KATNAL1: variants seen among roughly 807,000 people sequenced by gnomAD.
The protein encoded by KATNAL1 is katanin catalytic subunit A1 like 1, also known as katanin p60 ATPase-containing subunit A-like 1.
A neutral mutation model predicts 55.2 loss-of-function variants in KATNAL1; 32 were observed. The observed-to-expected ratio is 0.58, with a 90% CI of 0.44 to 0.78. The LOEUF is 0.78. Among genes scored for constraint, KATNAL1 ranks in the 30% least tolerant of loss-of-function variants. The probability of loss-of-function intolerance (pLI) is 0.00; values close to 1 mark genes in which losing one functional copy is unlikely to be tolerated. For synonymous variants in KATNAL1, 193 were observed against 193.6 expected (o/e 1.00, Z 0.02); for missense variants, 466 against 600.9 (o/e 0.78, Z 2.35).
At chr13:30,264,964 G>A (rs1380341478) in intron 3 of KATNAL1, among the ~76,000 whole-genome samples, 2 of 146,924 alleles carry the variant, frequency 1.4e-5, no homozygotes, top group African/African-American at 2.5e-5. Context: ...CAAAGACTTG[G>A]AACCAACCCA....
intron 10 of KATNAL1, 31 bp downstream of exon 10, chr13:30,210,285 T>C (rs1164434411): frequency 6.4e-7 from 1 of 1,561,594 alleles, no homozygotes; most frequent in African/African-American, 1.4e-5. Context: ...CTATAACTAA[T>C]GTCTAAAATC....
chr13:30,247,604 T>C (rs1877914756), intron 4 of KATNAL1, among the ~76,000 whole-genome samples: 1 of 152,048 alleles, frequency 6.6e-6, no homozygotes, highest in African/African-American at 2.4e-5. Context: ...TTTGCCACAG[T>C]CAGCATATAC....
chr13:30,282,313 T>G (rs1881418773), intron 2 of KATNAL1, among the ~76,000 whole-genome samples: 1 of 152,012 alleles, frequency 6.6e-6, no homozygotes, highest in South Asian at 2.1e-4. Context: ...AAACAACATG[T>G]AAATATGAAA....
chr13:30,277,584 A>T (rs1880936259), intron 3 of KATNAL1, among the ~76,000 whole-genome samples: 1 of 152,228 alleles, frequency 6.6e-6, no homozygotes, highest in Non-Finnish European at 1.5e-5. Context: ...AACAAGAAAA[A>T]TATTATTATA....
intron 3 of KATNAL1, among the ~76,000 whole-genome samples, chr13:30,259,843 G>C (rs1281740177): frequency 6.6e-6 from 1 of 152,196 alleles, no homozygotes; most frequent in Admixed American, 6.5e-5. Context: ...CAAAGCAGCC[G>C]GGAAGCTCGA....
chr13:30,283,511 C>A (rs899220874), intron 2 of KATNAL1, 105 bp downstream of exon 2: 13 of 878,974 alleles, frequency 1.5e-5, no homozygotes, highest in Non-Finnish European at 2.2e-5. Flanking sequence ...GATAAATAGG[C>A]ACTATTTCCA....
Position 30,202,640 on chromosome 13 carries a change from C to T in KATNAL1, c.*5900G>A, listed in dbSNP as rs1394285617. ...CCACAAAGAAAGCGATGACAACCAA[C>T]ACTCTATAAATTTATTACCAAATAT... On this transcript the variant is annotated 3_prime_UTR_variant, in exon 11 of 11. Coordinates refer to ENST00000380615, the MANE Select transcript of KATNAL1 (RefSeq NM_032116.5). 6.6e-6 allele frequency: 1 copy of T among 152,212 alleles called. No individual in the cohort carries two copies. Among genetic ancestry groups the T allele is most frequent in the Admixed American group, 6.5e-5 (1 of 15,278 alleles). The allele number at this position is 152,212 out of a possible 1,614,324, so 9.4% of individuals were successfully genotyped here.
At chr13:30,282,196 CAAATT>C (rs1881408502) in intron 2 of KATNAL1, among the ~76,000 whole-genome samples, 1 of 152,018 alleles carries the variant, frequency 6.6e-6, no homozygotes, top group Non-Finnish European at 1.5e-5. Flanking sequence ...ATTAAATAAT[CAAATT>C]ATATAGTCAA....
chr13:30,278,004 A>G (rs1026729110), intron 3 of KATNAL1, among the ~76,000 whole-genome samples: 1 of 143,192 alleles, frequency 7.0e-6, no homozygotes, highest in African/African-American at 2.5e-5. Context: ...AAAAAAAAAA[A>G]AAAAAAAGAT....
chr13:30,231,760 A>G (rs1876123469), intron 6 of KATNAL1, among the ~76,000 whole-genome samples: 1 of 152,204 alleles, frequency 6.6e-6, no homozygotes, highest in African/African-American at 2.4e-5. Context: ...TCCTGAACCT[A>G]GCATATGACA....
At chr13:30,260,006 C>A (rs969085989) in intron 3 of KATNAL1, among the ~76,000 whole-genome samples, 1 of 152,214 alleles carries the variant, frequency 6.6e-6, no homozygotes, top group Non-Finnish European at 1.5e-5. Flanking sequence ...GTGGTTCTCC[C>A]AGCACGCAGC....
At chr13:30,283,227 A>G (rs1881519895) in intron 2 of KATNAL1, among the ~76,000 whole-genome samples, 2 of 128,726 alleles carry the variant, frequency 1.6e-5, no homozygotes, top group African/African-American at 6.1e-5. Flanking sequence ...AGATTGCGCC[A>G]CTGCACTCCG....
intron 8 of KATNAL1, among the ~76,000 whole-genome samples, chr13:30,228,406 A>G (rs1875732751): frequency 6.6e-6 from 1 of 152,106 alleles, no homozygotes; most frequent in Non-Finnish European, 1.5e-5. Context: ...TGAAACATAT[A>G]ATATTTTCTT....
chr13:30,297,737 C>T (rs1489601876), intron 1 of KATNAL1, among the ~76,000 whole-genome samples: 1 of 152,128 alleles, frequency 6.6e-6, no homozygotes, highest in African/African-American at 2.4e-5. Flanking sequence ...TAGCTGGAGG[C>T]CATTATCCTT....
At chr13:30,260,428 T>TG (rs965028975) in intron 3 of KATNAL1, among the ~76,000 whole-genome samples, 30 of 152,126 alleles carry the variant, frequency 2.0e-4, no homozygotes, top group African/African-American at 6.5e-4. Flanking sequence ...CTCTGAGCTA[T>TG]GGGGGGAAAT....
At chr13:30,224,309 T>C (rs939929261) in intron 9 of KATNAL1, among the ~76,000 whole-genome samples, 5 of 151,948 alleles carry the variant, frequency 3.3e-5, no homozygotes, top group Non-Finnish European at 5.9e-5. Context: ...ACTGGGAGGA[T>C]TGCTTGAGGC....
chr13:30,257,647 C>T (rs1878903994), intron 3 of KATNAL1, among the ~76,000 whole-genome samples: 1 of 152,206 alleles, frequency 6.6e-6, no homozygotes, highest in Admixed American at 6.5e-5. Flanking sequence ...ACACAAATCC[C>T]GCTCAGTAAA....
In KATNAL1 at chr13:30,302,409, C is replaced by T. The variant is rs556320544; in HGVS notation, c.-15+4922G>A. ...AATATCAGGAATTATGTGTTAAATA[C>T]CAGTCATCCATACTCTCACAGAAGT... On this transcript the variant is annotated intron_variant, in intron 1 of 10. Coordinates refer to ENST00000380615, the MANE Select transcript of KATNAL1 (RefSeq NM_032116.5). Among the ~76,000 whole-genome samples the T allele has an allele frequency of 1.1e-4, 17 of 151,666 alleles. No homozygotes were observed. The South Asian group carries it at 3.6e-3, about 32-fold the overall frequency.
chr13:30,217,764 C>G (rs1874434761), intron 9 of KATNAL1, among the ~76,000 whole-genome samples: 1 of 152,086 alleles, frequency 6.6e-6, no homozygotes, highest in African/African-American at 2.4e-5. Flanking sequence ...CAGAATCTAC[C>G]TTATAAAGCT....
Sources: gnomAD v4.1 joint callset for allele counts (sites outside exome capture counted in the v4.1 genomes callset) on GRCh38, gnomAD v4.1.1 for gene constraint, MANE v1.5 for transcripts, NCBI Gene and HGNC (gene_info 2026-07-23, HGNC 2026-07-21) for gene names.